CDCA7: variants seen among roughly 807,000 people sequenced by gnomAD.
CDCA7 encodes the protein cell division cycle associated 7.
A neutral mutation model predicts 54.0 loss-of-function variants in CDCA7; 28 were observed. That is an observed-to-expected ratio of 0.52 (90% confidence interval 0.38 to 0.71). The LOEUF (loss-of-function observed/expected upper bound fraction) is 0.71, where lower values mean the gene tolerates loss of function less well. Ranked by LOEUF, CDCA7 falls within the 30% of genes least tolerant of loss-of-function variation. The pLI is 0.00. For synonymous variants in CDCA7, 180 were observed against 208.2 expected (o/e 0.86, Z 1.16); for missense variants, 484 against 586.0 (o/e 0.83, Z 1.80).
chr2:173,367,290 GT>G lies in CDCA7; in HGVS notation c.1322+5del, dbSNP rs1558951788. On this transcript the variant is annotated splice_donor_5th_base_variant and intron_variant, in intron 9 of 9. Coordinates refer to ENST00000306721, the MANE Select transcript of CDCA7 (RefSeq NM_031942.5). ...ATGTGCATGCCTACTTGAAAAGGTA[GT>G]GGGTGTTTTTTTTTCCCTTCCACAT... 1 of 1,614,070 alleles carries G rather than the reference GT, an allele frequency of 6.2e-7. No individual in the cohort carries two copies. Among genetic ancestry groups the G allele is most frequent in the South Asian group, 1.1e-5 (1 of 91,070 alleles).
chr2:173,365,646 G>C, intron 7 of CDCA7, 54 bp downstream of exon 7: 1 of 1,588,534 alleles, frequency 6.3e-7, no homozygotes, highest in Non-Finnish European at 8.6e-7. Flanking sequence ...GAGGAAGAGA[G>C]CTTCTGTCCC....
chr2:173,356,445 C>T (rs1017095616), intron 1 of CDCA7, among the ~76,000 whole-genome samples: 2 of 152,196 alleles, frequency 1.3e-5, no homozygotes, highest in African/African-American at 4.8e-5. Context: ...AGTTCTCCTT[C>T]CTGCCCCTGT....
At chr2:173,365,390 T>C in intron 6 of CDCA7, 62 bp from the exon 7 acceptor site, 1 of 1,538,880 alleles carries the variant, frequency 6.5e-7, no homozygotes, top group Non-Finnish European at 8.8e-7. Context: ...GTTTTTTCAG[T>C]TTTGAATCTC....
At chr2:173,360,211 A>G (rs1022557165) in intron 3 of CDCA7, among the ~76,000 whole-genome samples, 1 of 152,198 alleles carries the variant, frequency 6.6e-6, no homozygotes, top group Non-Finnish European at 1.5e-5. Flanking sequence ...AGTAACATTG[A>G]TAGAAGTGGC....
intron 7 of CDCA7, among the ~76,000 whole-genome samples, chr2:173,365,804 G>A (rs1454703541): frequency 6.6e-6 from 1 of 152,070 alleles, no homozygotes; most frequent in African/African-American, 2.4e-5. Flanking sequence ...CTGTAGTCAT[G>A]GTAAATCTTT....
chr2:173,363,676 G>A, intron 4 of CDCA7, 142 bp from the exon 5 acceptor site: 1 of 966,224 alleles, frequency 1.0e-6, no homozygotes, highest in Non-Finnish European at 1.6e-6. Flanking sequence ...AGTGTATAGG[G>A]GAAATCAGAA....
At chr2:173,355,028 G>A (rs901754424) in intron 1 of CDCA7, 44 bp downstream of exon 1, 10 of 1,323,808 alleles carry the variant, frequency 7.6e-6, no homozygotes, top group Non-Finnish European at 8.6e-6. Flanking sequence ...CGCGGTGGGT[G>A]CTGGACGCAG....
Position 173,363,361 on chromosome 2 carries a change from T to A in CDCA7, c.520T>A (p.Ser174Thr). Reference protein sequence around the residue: ...TNKKAESRQPSENSVTDSNSD... With the variant: ...TNKKAESRQPTENSVTDSNSD... ...CAAAAAAGCAGAGTCCCGCCAGCCC[T>A]CAGAGAATTCTGTGACTGATTCCAA... The change falls in exon 4 of 10, where the codon TCA (serine) becomes ACA (threonine). Residue 174 changes from serine (S) to threonine (T), a missense_variant. By Grantham distance (58) the Ser-to-Thr change is moderately conservative. This residue lies in a region of CDCA7 where 398 missense variants were observed against 447.4 expected (regional missense o/e 0.89). Transcript: ENST00000306721. 1 of 1,614,174 alleles carries A rather than the reference T, an allele frequency of 6.2e-7. No homozygotes were observed. Among genetic ancestry groups the A allele is most frequent in the Non-Finnish European group, 8.5e-7 (1 of 1,180,034 alleles).
chr2:173,362,591 T>TC (rs1553476708), intron 3 of CDCA7, among the ~76,000 whole-genome samples: 5 of 151,644 alleles, frequency 3.3e-5, no homozygotes, highest in African/African-American at 9.7e-5. Flanking sequence ...TTTTTTTTTT[T>TC]CAAGACAGGG....
chr2:173,362,484 A>G (rs150393986), intron 3 of CDCA7, among the ~76,000 whole-genome samples: 5 of 152,012 alleles, frequency 3.3e-5, no homozygotes, highest in Non-Finnish European at 7.4e-5. Flanking sequence ...ATTATATTAT[A>G]TATTTTTTAA....
chr2:173,364,666 G>A lies in CDCA7; in HGVS notation c.700-129G>A, dbSNP rs1008314274. 2.9e-6 allele frequency: 4 copies of A among 1,377,740 alleles called. No individual in the cohort carries two copies. The African/African-American group carries it at 6.0e-5, about 21-fold the overall frequency. The allele number at this position is 1,377,740 out of a possible 1,614,324, so 85.3% of individuals were successfully genotyped here. A position where few individuals can be genotyped will look rare whatever the true frequency, so the allele number is the denominator to read the frequency against. On this transcript the variant is annotated intron_variant, in intron 5 of 9. Coordinates refer to ENST00000306721, the MANE Select transcript of CDCA7 (RefSeq NM_031942.5). ...CTCATTTTGCCATGCATTATGCAAAGGACAAAGAAAAAGAAAAAATAGAGC... is the reference window on the plus strand; with the variant it reads ...CTCATTTTGCCATGCATTATGCAAAAGACAAAGAAAAAGAAAAAATAGAGC...
intron 1 of CDCA7, among the ~76,000 whole-genome samples, chr2:173,355,781 G>A (rs944647150): frequency 6.6e-6 from 1 of 151,830 alleles, no homozygotes; most frequent in African/African-American, 2.4e-5. Context: ...CTCCTGGAGA[G>A]GGTAGAAGAG....
chr2:173,355,858 C>CG (rs904524799), intron 1 of CDCA7, among the ~76,000 whole-genome samples: 10 of 151,976 alleles, frequency 6.6e-5, no homozygotes, highest in Non-Finnish European at 5.9e-5. Flanking sequence ...GGGACCCTCG[C>CG]GGGGGTGGGT....
chr2:173,365,110 C>G, intron 6 of CDCA7, 121 bp downstream of exon 6: 1 of 1,385,966 alleles, frequency 7.2e-7, no homozygotes, highest in Non-Finnish European at 9.4e-7. Context: ...ATGTTTTCCT[C>G]TAACCATTCA....
chr2:173,364,326 G>A, intron 5 of CDCA7: 1 of 164,162 alleles, frequency 6.1e-6, no homozygotes. Flanking sequence ...TGCATTCTGA[G>A]GAATTAAGGT....
intron 9 of CDCA7, 79 bp from the exon 10 acceptor site, chr2:173,367,555 T>A: frequency 1.3e-6 from 2 of 1,558,006 alleles, no homozygotes; most frequent in East Asian, 4.5e-5. Flanking sequence ...AAAATGGTTT[T>A]AAAAATGAAT....
At position 173,362,107 on chromosome 2, in the gene CDCA7, G is replaced by A. The variant is rs188952919; in HGVS notation, c.385-1119G>A. Among the ~76,000 whole-genome samples, 26 of 152,254 alleles carry A rather than the reference G, an allele frequency of 1.7e-4. No homozygotes were observed. The East Asian group carries it at 3.9e-3, about 23-fold the overall frequency. On this transcript the variant is annotated intron_variant, in intron 3 of 9. Transcript: ENST00000306721. ...GCTGGGATTATAGGCATGAGCTACC[G>A]CACCCAGCCTTGCATTGTGATTTTG...
chr2:173,357,985 G>C (rs1283167618), intron 1 of CDCA7, among the ~76,000 whole-genome samples: 1 of 152,152 alleles, frequency 6.6e-6, no homozygotes, highest in African/African-American at 2.4e-5. Context: ...CAGATCACGA[G>C]GTCAGGAGAT....
intron 6 of CDCA7, 117 bp from the exon 7 acceptor site, chr2:173,365,335 C>A: frequency 8.7e-7 from 1 of 1,153,044 alleles, no homozygotes; most frequent in Non-Finnish European, 1.2e-6. Context: ...AGATTCAAAG[C>A]TGGGGAGAGC....
Sources: allele counts gnomAD v4.1 joint callset (sites outside exome capture counted in the v4.1 genomes callset), GRCh38; gene constraint gnomAD v4.1.1; regional missense constraint gnomAD v4.1.1; transcripts MANE v1.5; gene names NCBI Gene and HGNC (gene_info 2026-07-23, HGNC 2026-07-21).